PTPN3: variants seen among roughly 807,000 people sequenced by gnomAD.
PTPN3 encodes the protein protein tyrosine phosphatase non-receptor type 3, also known as tyrosine-protein phosphatase non-receptor type 3.
PTPN3 carries 96 observed loss-of-function variants against 132.7 expected under a neutral mutation model. The observed-to-expected ratio is 0.72, with a 90% CI of 0.61 to 0.86. PTPN3 has a LOEUF of 0.86. Ranked by LOEUF, PTPN3 falls within the 40% of genes least tolerant of loss-of-function variation. The pLI is 0.00. For missense variants in PTPN3, 1,125 were observed against 1,159.6 expected, an observed-to-expected ratio of 0.97 and a Z score of 0.43; for synonymous variants, 398 against 429.0, an observed-to-expected ratio of 0.93 and a Z score of 0.89.
chr9:109,454,153 C>T (rs1417064067), intron 5 of PTPN3, among the ~76,000 whole-genome samples: 1 of 81,196 alleles, frequency 1.2e-5, no homozygotes. Context: ...TACATCCTGC[C>T]TACATTGGTA....
chr9:109,534,694 C>G, the PTPN3 span, among the ~76,000 whole-genome samples: 4 of 149,972 alleles, frequency 2.7e-5, no homozygotes, highest in African/African-American at 9.9e-5. Flanking sequence ...CCCAGCTACT[C>G]GGGAGGCTGA....
At chr9:109,430,289 T>C (rs552689596) in intron 10 of PTPN3, among the ~76,000 whole-genome samples, 2 of 152,330 alleles carry the variant, frequency 1.3e-5, no homozygotes, top group East Asian at 3.9e-4. Flanking sequence ...CTTGCCTTGT[T>C]TGGCCCATGG....
Position 109,424,407 on chromosome 9 carries a change from C to A in PTPN3, c.1002-1555G>T, listed in dbSNP as rs532943896. On this transcript the variant is annotated intron_variant, in intron 12 of 25. Coordinates refer to ENST00000374541, the MANE Select transcript of PTPN3 (RefSeq NM_002829.4). ...TGTCCTCCCAAGCCATCCTCCCAACCCAAATGATCCCCTGTGGCAGATTAA... is the reference window on the plus strand; with the variant it reads ...TGTCCTCCCAAGCCATCCTCCCAACACAAATGATCCCCTGTGGCAGATTAA... Among the ~76,000 whole-genome samples, 8 of 152,336 alleles carry A rather than the reference C, an allele frequency of 5.3e-5. No homozygotes were observed. The East Asian group carries it at 1.5e-3, about 29-fold the overall frequency.
rs568721251 is a variant in PTPN3, at chr9:109,478,676, A to G, written c.-17-15225T>C. 2.0e-5 allele frequency among the ~76,000 whole-genome samples: 3 copies of G among 152,326 alleles called. No homozygotes were observed. The South Asian group carries it at 6.2e-4, about 32-fold the overall frequency. On this transcript the variant is annotated intron_variant, in intron 1 of 25. Coordinates refer to ENST00000374541, the MANE Select transcript of PTPN3 (RefSeq NM_002829.4). Reference sequence around the variant, plus strand: ...GGTAACTGATGATGATTTGCGCAAAATCGCCAAGTTAACTGTGTTCTGTCT... The same window carrying G: ...GGTAACTGATGATGATTTGCGCAAAGTCGCCAAGTTAACTGTGTTCTGTCT...
chr9:109,533,489 T>C, the PTPN3 span: 1 of 1,594,976 alleles, frequency 6.3e-7, no homozygotes. Flanking sequence ...GTTGCGGCGG[T>C]ACCGACGTTG....
At chr9:109,488,569 G>A (rs758597945) in intron 1 of PTPN3, among the ~76,000 whole-genome samples, 10 of 152,130 alleles carry the variant, frequency 6.6e-5, no homozygotes, top group Non-Finnish European at 1.0e-4. Flanking sequence ...GACTGCACTG[G>A]ACAGTGTTCT....
chr9:109,382,450 G>C lies in PTPN3; in HGVS notation c.2383-3C>G, dbSNP rs1183836796. The C allele has an allele frequency of 6.2e-7, 1 of 1,614,034 alleles. No individual in the cohort carries two copies. Among genetic ancestry groups the C allele is most frequent in the Admixed American group, 1.7e-5 (1 of 60,028 alleles). ...GTCACTGTGTGTTCTTCCCCGGTCTGTGGGAGATGCAGTGGCCTTGGTGAG... is the reference window on the plus strand; with the variant it reads ...GTCACTGTGTGTTCTTCCCCGGTCTCTGGGAGATGCAGTGGCCTTGGTGAG... On this transcript the variant is annotated splice_polypyrimidine_tract_variant and splice_region_variant and intron_variant, in intron 23 of 25. Transcript: ENST00000374541.
intron 2 of PTPN3, among the ~76,000 whole-genome samples, chr9:109,458,636 C>T (rs542502044): frequency 1.4e-3 from 214 of 152,258 alleles, no homozygotes; most frequent in African/African-American, 5.0e-3. Context: ...AGTGTGGGAA[C>T]ATGAAACACG....
chr9:109,458,497 T>C (rs1413095606), intron 2 of PTPN3, among the ~76,000 whole-genome samples: 1 of 140,998 alleles, frequency 7.1e-6, no homozygotes, highest in Non-Finnish European at 1.6e-5. Context: ...TAGCTCCTTT[T>C]TTTGAGTGCC....
chr9:109,475,023 AT>A (rs1283374849), intron 1 of PTPN3, among the ~76,000 whole-genome samples: 2 of 152,200 alleles, frequency 1.3e-5, no homozygotes, highest in Non-Finnish European at 2.9e-5. Flanking sequence ...CAAAGGTTCA[AT>A]GGGTAGAAGA....
chr9:109,491,651 G>A lies in PTPN3; in HGVS notation c.-18+6568C>T, dbSNP rs73529541. Among the ~76,000 whole-genome samples, 1,161 of 152,324 alleles carry A rather than the reference G, an allele frequency of 7.6e-3. 11 individuals carry two copies. Among genetic ancestry groups the A allele is most frequent in the African/African-American group, 0.027 (1,117 of 41,570 alleles). On this transcript the variant is annotated intron_variant, in intron 1 of 25. Coordinates refer to ENST00000374541, the MANE Select transcript of PTPN3 (RefSeq NM_002829.4). ...AACTGCAAAATTGCCACTAGGAAAA[G>A]TGCTATAATGGAGAGAGATCTGGTG...
rs573467878 is a variant in PTPN3 at position 109,389,962 on chromosome 9, T to A, written c.2107-583A>T. Among the ~76,000 whole-genome samples the A allele has an allele frequency of 1.2e-4, 19 of 152,276 alleles. No homozygotes were observed. In the East Asian group the frequency reaches 3.7e-3, roughly 29 times the overall value. ...TTTCCTTTTTGCCCTCTGGACTGAG[T>A]CCTTTTGACGAAAGAACACTCAGAA... is the stretch of plus-strand genomic sequence containing the variant. On this transcript the variant is annotated intron_variant, in intron 21 of 25. Coordinates refer to ENST00000374541, the MANE Select transcript of PTPN3 (RefSeq NM_002829.4).
chr9:109,508,899 T>C, the PTPN3 span, among the ~76,000 whole-genome samples: 1 of 151,960 alleles, frequency 6.6e-6, no homozygotes, highest in Non-Finnish European at 1.5e-5. Context: ...CATCTAGTTG[T>C]GTTAGAAGGT....
intron 1 of PTPN3, among the ~76,000 whole-genome samples, chr9:109,468,399 C>T (rs141864347): frequency 1.3e-5 from 2 of 151,920 alleles, no homozygotes; most frequent in Non-Finnish European, 2.9e-5. Flanking sequence ...CAGAGTCTTG[C>T]TCTGTCCCCC....
chr9:109,428,822 T>G lies in PTPN3; in HGVS notation c.765-138A>C. 2.8e-6 allele frequency: 4 copies of G among 1,432,062 alleles called. No individual in the cohort carries two copies. The East Asian group carries it at 7.6e-5, about 27-fold the overall frequency. 88.7% of individuals were successfully genotyped at this position (1,432,062 alleles called of 1,614,324 possible). Reference sequence around the variant, plus strand: ...TGGCTGCCTAGAGTTTACTTCTCTGTAGAAATGATGGCAGCCCCACTGCCG... The same window carrying G: ...TGGCTGCCTAGAGTTTACTTCTCTGGAGAAATGATGGCAGCCCCACTGCCG... On this transcript the variant is annotated intron_variant, in intron 10 of 25. Coordinates refer to ENST00000374541, the MANE Select transcript of PTPN3 (RefSeq NM_002829.4).
At chr9:109,518,730 C>T in the PTPN3 span, among the ~76,000 whole-genome samples, 2 of 152,134 alleles carry the variant, frequency 1.3e-5, no homozygotes, top group Non-Finnish European at 2.9e-5. Context: ...TCACAAACCT[C>T]CCATTCAGGG....
intron 10 of PTPN3, among the ~76,000 whole-genome samples, chr9:109,432,352 G>T (rs535870706): frequency 2.0e-5 from 3 of 151,986 alleles, no homozygotes; most frequent in Non-Finnish European, 4.4e-5. Flanking sequence ...CCAAAACTCC[G>T]TGTTTTTTCC....
chr9:109,534,632 CAAA>C, the PTPN3 span, among the ~76,000 whole-genome samples: 15,537 of 108,710 alleles, frequency 0.14, 1,119 homozygotes, highest in Non-Finnish European at 0.17. Context: ...CAAAAAAATA[CAAA>C]AAAAAAAAAA....
intron 1 of PTPN3, among the ~76,000 whole-genome samples, chr9:109,466,325 A>C (rs1846098527): frequency 6.6e-6 from 1 of 152,214 alleles, no homozygotes; most frequent in South Asian, 2.1e-4. Context: ...AATTTGACAG[A>C]GAAAAATGGG....
Sources: gnomAD v4.1 joint callset for allele counts (sites outside exome capture counted in the v4.1 genomes callset) on GRCh38, gnomAD v4.1.1 for gene constraint, MANE v1.5 for transcripts, NCBI Gene and HGNC (gene_info 2026-07-23, HGNC 2026-07-21) for gene names.